SLC9A1: variants seen among roughly 807,000 people sequenced by gnomAD.
SLC9A1 encodes the protein solute carrier family 9 member A1.
Under a neutral mutation model 67.9 loss-of-function variants are expected in SLC9A1, and 22 were observed. The observed-to-expected ratio is 0.32, with a 90% CI of 0.23 to 0.46. The LOEUF (loss-of-function observed/expected upper bound fraction) is 0.46, where lower values mean the gene tolerates loss of function less well. Ranked by LOEUF, SLC9A1 falls within the 20% of genes least tolerant of loss-of-function variation. The probability of loss-of-function intolerance (pLI) is 1.00; values close to 1 mark genes in which losing one functional copy is unlikely to be tolerated. For synonymous variants in SLC9A1, 421 were observed against 471.8 expected (o/e 0.89, Z 1.40); for missense variants, 686 against 1,094.8 (o/e 0.63, Z 5.27).
At chr1:27,125,183 A>T (rs1377640401) in intron 1 of SLC9A1, among the ~76,000 whole-genome samples, 1 of 146,312 alleles carries the variant, frequency 6.8e-6, no homozygotes, top group African/African-American at 2.5e-5. Context: ...TGCCTGGACC[A>T]CTGCAGCAGC....
At position 27,130,139 on chromosome 1, in the gene SLC9A1, C is replaced by T. The variant is rs151281691; in HGVS notation, c.353-15853G>A. Among the ~76,000 whole-genome samples the T allele has an allele frequency of 6.6e-3, 1,012 of 152,264 alleles. 9 individuals are homozygous for T. Among genetic ancestry groups the T allele is most frequent in the African/African-American group, 0.022 (930 of 41,552 alleles). On this transcript the variant is annotated intron_variant, in intron 1 of 11. Transcript: ENST00000263980. ...TTTTTGAGACAGAGTCTCATTCTGT[C>T]GCTCAGGCTGGAGTGCAGTGGCACA...
intron 1 of SLC9A1, among the ~76,000 whole-genome samples, chr1:27,138,012 C>A (rs1200331076): frequency 6.6e-6 from 1 of 152,236 alleles, no homozygotes; most frequent in Non-Finnish European, 1.5e-5. Flanking sequence ...TGCTGGCAGG[C>A]AGGACACTGA....
chr1:27,107,869 G>A lies in SLC9A1; in HGVS notation c.1065-4C>T, dbSNP rs762011243. On this transcript the variant is annotated splice_polypyrimidine_tract_variant and splice_region_variant and intron_variant, in intron 3 of 11. Coordinates refer to ENST00000263980, the MANE Select transcript of SLC9A1 (RefSeq NM_003047.5). Reference sequence around the variant, plus strand: ...CACCACTCCTGAGGCTATGAGCCTGGAGCAGGAAAGAGCGGGGTCAGGGCT... The same window carrying A: ...CACCACTCCTGAGGCTATGAGCCTGAAGCAGGAAAGAGCGGGGTCAGGGCT... 1 of 1,584,240 alleles carries A rather than the reference G, an allele frequency of 6.3e-7. No individual in the cohort carries two copies.
intron 1 of SLC9A1, among the ~76,000 whole-genome samples, chr1:27,136,056 C>G (rs2083418716): frequency 6.6e-6 from 1 of 152,154 alleles, no homozygotes; most frequent in Non-Finnish European, 1.5e-5. Flanking sequence ...TCTATTGGCC[C>G]CTGACTGCCC....
At chr1:27,102,285 C>T (rs543667793) in intron 8 of SLC9A1, 100 bp downstream of exon 8, 6 of 1,419,770 alleles carry the variant, frequency 4.2e-6, no homozygotes, top group East Asian at 2.3e-5. Flanking sequence ...TCCGCCCCAA[C>T]AGGACAACAG....
intron 1 of SLC9A1, among the ~76,000 whole-genome samples, chr1:27,115,213 C>A (rs2083256553): frequency 6.6e-6 from 1 of 152,162 alleles, no homozygotes; most frequent in Non-Finnish European, 1.5e-5. Flanking sequence ...TCCTCACACA[C>A]CCCTCTGCCT....
intron 1 of SLC9A1, among the ~76,000 whole-genome samples, chr1:27,131,601 A>G (rs1477064853): frequency 6.6e-6 from 1 of 150,812 alleles, no homozygotes; most frequent in Non-Finnish European, 1.5e-5. Flanking sequence ...CACAAAAATT[A>G]GCTGGGCGTG....
At chr1:27,133,678 C>T (rs2083400763) in intron 1 of SLC9A1, among the ~76,000 whole-genome samples, 1 of 152,054 alleles carries the variant, frequency 6.6e-6, no homozygotes, top group Admixed American at 6.6e-5. Context: ...ACTCCACTGC[C>T]TTCTTAGACC....
chr1:27,108,544 G>A (rs1368690574), intron 3 of SLC9A1, among the ~76,000 whole-genome samples: 2 of 152,036 alleles, frequency 1.3e-5, no homozygotes, highest in African/African-American at 4.8e-5. Flanking sequence ...CAGGTGTGGT[G>A]GTGGGCACCT....
chr1:27,100,370 G>A lies in SLC9A1; in HGVS notation c.2385C>T (p.Leu795=). ...GCTCAGGGTGTGGGCCTGGGTCACT[G>A]AGGCAGCGCTGTATCCTCTGGGAGC... The part of the protein sequence containing the change: ...SPSSQRIQRC[L]SDPGPHPEPG... The change falls in exon 12 of 12, where the codon CTC becomes CTT. Residue 795 remains leucine (L), a synonymous_variant. Transcript: ENST00000263980. This position sits in a 1 kb window ranked among gnomAD's most constrained non-coding sequence, Gnocchi z 5.6. 6.4e-7 allele frequency: 1 copy of A among 1,572,422 alleles called. No individual in the cohort carries two copies. Among genetic ancestry groups the A allele is most frequent in the Non-Finnish European group, 8.6e-7 (1 of 1,157,732 alleles).
Position 27,102,745 on chromosome 1 carries a change from T to C in SLC9A1, c.1576-2A>G, listed in dbSNP as rs772229095. ...GCCTGTCAGAAGGTGGTCCAGGAAC[T>C]GAAAGGGGCCCAGGGCCAAGTCAAG... On this transcript the variant is annotated splice_acceptor_variant, in intron 6 of 11. Transcript: ENST00000263980. LOFTEE classifies it high-confidence loss of function. The C allele has an allele frequency of 6.2e-7, 1 of 1,613,388 alleles. No individual in the cohort carries two copies. The highest frequency in any genetic ancestry group is 8.5e-7 in the Non-Finnish European group (1 of 1,179,812).
At position 27,148,535 on chromosome 1, in the gene SLC9A1, T is replaced by C. The variant is rs143555200; in HGVS notation, c.352+5448A>G. Among the ~76,000 whole-genome samples the C allele has an allele frequency of 3.7e-3, 569 of 152,204 alleles. 6 individuals are homozygous for C. The highest frequency in any genetic ancestry group is 0.013 in the African/African-American group (530 of 41,530). On this transcript the variant is annotated intron_variant, in intron 1 of 11. Transcript: ENST00000263980. ...TGGCCTGGCAGGAGAGAGTTTGGCC[T>C]TGAGTGATTAGTCCCAGGCATGCTA...
intron 1 of SLC9A1, among the ~76,000 whole-genome samples, chr1:27,139,726 T>C (rs535616234): frequency 6.6e-6 from 1 of 151,822 alleles, no homozygotes; most frequent in Non-Finnish European, 1.5e-5. Context: ...GCATGATCTG[T>C]GGCTCTGTGT....
intron 1 of SLC9A1, among the ~76,000 whole-genome samples, chr1:27,125,088 C>T (rs1193847338): frequency 3.9e-5 from 6 of 152,030 alleles, no homozygotes; most frequent in Non-Finnish European, 2.9e-5. Context: ...CCAAACCCTG[C>T]TGGTTCTGCC....
chr1:27,113,571 A>G (rs1175028214), intron 2 of SLC9A1, among the ~76,000 whole-genome samples: 1 of 152,250 alleles, frequency 6.6e-6, no homozygotes, highest in African/African-American at 2.4e-5. Context: ...TCATACTCCA[A>G]CAGGTTATTT....
rs78539741 is a variant in SLC9A1 at position 27,116,476 on chromosome 1, A to G, written c.353-2190T>C. Among the ~76,000 whole-genome samples, 1,080 of 152,370 alleles carry G rather than the reference A, an allele frequency of 7.1e-3. 4 individuals carry two copies. The highest frequency in any genetic ancestry group is 0.011 in the Non-Finnish European group (725 of 68,034). On this transcript the variant is annotated intron_variant, in intron 1 of 11. Transcript: ENST00000263980. Reference sequence around the variant, plus strand: ...TGAAGACACTCAAAACACATTGGGAAAAAAAGATGTCTCCATCCTAGGCCA... The same window carrying G: ...TGAAGACACTCAAAACACATTGGGAGAAAAAGATGTCTCCATCCTAGGCCA...
Position 27,100,980 on chromosome 1 carries a change from C to T in SLC9A1, c.2110+223G>A, listed in dbSNP as rs2124125432. Among the ~76,000 whole-genome samples the T allele has an allele frequency of 6.6e-6, 1 of 152,348 alleles. No individual in the cohort carries two copies. Among genetic ancestry groups the T allele is most frequent in the Non-Finnish European group, 1.5e-5 (1 of 68,026 alleles). On this transcript the variant is annotated intron_variant, in intron 11 of 11. Coordinates refer to ENST00000263980, the MANE Select transcript of SLC9A1 (RefSeq NM_003047.5). This position sits in a 1 kb window ranked among gnomAD's most constrained non-coding sequence, Gnocchi z 5.6. ...GCAGATACCCTGCCTTCCTGCCAGG[C>T]ACCGTGGCTCTCCCAGCTCCCCACA...
At position 27,134,973 on chromosome 1, in the gene SLC9A1, G is replaced by A. The variant is rs150090116; in HGVS notation, c.352+19010C>T. The stretch of plus-strand genomic sequence containing the variant: ...GCTGGTCTCCAACTCCTGACCTCAG[G>A]TGATCTGCCTGCCTCGGCTCCCAAA... On this transcript the variant is annotated intron_variant, in intron 1 of 11. Coordinates refer to ENST00000263980, the MANE Select transcript of SLC9A1 (RefSeq NM_003047.5). 2.0e-5 allele frequency among the ~76,000 whole-genome samples: 3 copies of A among 151,742 alleles called. No individual in the cohort carries two copies. The East Asian group carries it at 5.8e-4, about 29-fold the overall frequency.
At chr1:27,107,421 C>G (rs915234110) in intron 4 of SLC9A1, among the ~76,000 whole-genome samples, 5 of 150,596 alleles carry the variant, frequency 3.3e-5, no homozygotes, top group Admixed American at 2.6e-4. Context: ...CACATCCAGC[C>G]CCCCTACAAT....
Sources: allele counts gnomAD v4.1 joint callset (sites outside exome capture counted in the v4.1 genomes callset), GRCh38; gene constraint gnomAD v4.1.1; non-coding constraint Gnocchi (gnomAD v3.1); transcripts MANE v1.5; gene names NCBI Gene and HGNC (gene_info 2026-07-23, HGNC 2026-07-21).